CDH13: variants seen among roughly 807,000 people sequenced by gnomAD.
CDH13 encodes the protein cadherin 13.
In CDH13, 24 loss-of-function variants were observed where a neutral mutation model predicts 63.8. The ratio of observed to expected loss-of-function variants is 0.38; its 90% confidence interval spans 0.27 to 0.53. CDH13 has a LOEUF of 0.53. CDH13 is among the 20% of genes least tolerant of loss of function. The probability of loss-of-function intolerance (pLI) is 0.85; values close to 1 mark genes in which losing one functional copy is unlikely to be tolerated. For missense variants in CDH13, 1,049 were observed against 903.1 expected, an observed-to-expected ratio of 1.16 and a Z score of -2.07; for synonymous variants, 503 against 355.3, an observed-to-expected ratio of 1.42 and a Z score of -4.67.
intron 1 of CDH13, among the ~76,000 whole-genome samples, chr16:82,839,144 A>T (rs1214280119): frequency 6.6e-6 from 1 of 152,204 alleles, no homozygotes; most frequent in African/African-American, 2.4e-5. Flanking sequence ...TTGGGACAAG[A>T]ACTCAGAGGG....
intron 2 of CDH13, among the ~76,000 whole-genome samples, chr16:83,009,823 TC>T (rs879898114): frequency 2.0e-5 from 3 of 152,110 alleles, no homozygotes; most frequent in Admixed American, 2.0e-4. Flanking sequence ...CTGGGCTCTA[TC>T]CCCAAAGATT....
At chr16:82,880,562 G>T (rs1381594311) in intron 2 of CDH13, among the ~76,000 whole-genome samples, 1 of 152,186 alleles carries the variant, frequency 6.6e-6, no homozygotes, top group African/African-American at 2.4e-5. Flanking sequence ...GTCCATCCTG[G>T]TTATGGATAA....
chr16:82,706,966 G>T (rs1339922209), intron 1 of CDH13, among the ~76,000 whole-genome samples: 1 of 152,152 alleles, frequency 6.6e-6, no homozygotes, highest in Admixed American at 6.5e-5. Context: ...TCTGCCTTCA[G>T]TTCTACATTT....
At chr16:83,779,839 T>TA in intron 11 of CDH13, 129 bp from the exon 12 acceptor site, 1 of 640,890 alleles carries the variant, frequency 1.6e-6, no homozygotes. Context: ...GTCTGGGCGA[T>TA]AGAGTGAGAC....
At chr16:82,940,862 C>A (rs1904278803) in intron 2 of CDH13, among the ~76,000 whole-genome samples, 1 of 152,082 alleles carries the variant, frequency 6.6e-6, no homozygotes, top group South Asian at 2.1e-4. Flanking sequence ...CAGCTGCAAG[C>A]TTTATTAGGG....
At chr16:82,961,955 G>A in intron 2 of CDH13, among the ~76,000 whole-genome samples, 1 of 152,158 alleles carries the variant, frequency 6.6e-6, no homozygotes, top group Non-Finnish European at 1.5e-5. Context: ...TGCCAAGGTG[G>A]AGAAACCCTA....
intron 3 of CDH13, among the ~76,000 whole-genome samples, chr16:83,083,418 C>T (rs1000791704): frequency 3.3e-5 from 5 of 152,142 alleles, no homozygotes; most frequent in Non-Finnish European, 5.9e-5. Flanking sequence ...AACACAATTC[C>T]AATCTGTGTA....
intron 4 of CDH13, among the ~76,000 whole-genome samples, chr16:83,136,828 G>C (rs916922925): frequency 3.3e-5 from 5 of 152,174 alleles, no homozygotes; most frequent in Non-Finnish European, 7.3e-5. Flanking sequence ...AGATTCCAAA[G>C]TTCAAAGTCA....
At chr16:82,850,478 A>G (rs2039437433) in intron 1 of CDH13, among the ~76,000 whole-genome samples, 1 of 152,234 alleles carries the variant, frequency 6.6e-6, no homozygotes, top group Non-Finnish European at 1.5e-5. Flanking sequence ...TTGAGATGGA[A>G]TCTAATCCTG....
At chr16:82,824,413 C>T (rs772907234) in intron 1 of CDH13, 19 of 151,802 alleles carry the variant, frequency 1.3e-4, no homozygotes, top group African/African-American at 2.7e-4. Flanking sequence ...TAATAAGCAA[C>T]GAAAAAATGG....
At chr16:83,422,019 A>C (rs2071730517) in intron 6 of CDH13, among the ~76,000 whole-genome samples, 2 of 152,184 alleles carry the variant, frequency 1.3e-5, no homozygotes, top group Non-Finnish European at 2.9e-5. Flanking sequence ...TCTTTTTCTC[A>C]TATGAAAGTT....
chr16:83,203,002 G>A (rs2039076013), intron 4 of CDH13, among the ~76,000 whole-genome samples: 1 of 152,118 alleles, frequency 6.6e-6, no homozygotes, highest in Non-Finnish European at 1.5e-5. Context: ...AAGGTGGGAA[G>A]ATCACCTGAG....
At chr16:82,831,929 G>T (rs2038558416) in intron 1 of CDH13, among the ~76,000 whole-genome samples, 1 of 152,142 alleles carries the variant, frequency 6.6e-6, no homozygotes, top group Non-Finnish European at 1.5e-5. Context: ...TTACATCAAG[G>T]ATGACCTTTT....
chr16:83,014,866 ATGTATATATATATG>A (rs1567746143), intron 2 of CDH13, among the ~76,000 whole-genome samples: 14 of 122,476 alleles, frequency 1.1e-4, no homozygotes, highest in South Asian at 2.6e-4. Flanking sequence ...GTATATATAT[ATGTATATATATATG>A]TTTGTGTATA....
chr16:83,000,169 T>C (rs910100327), intron 2 of CDH13, among the ~76,000 whole-genome samples: 6 of 151,270 alleles, frequency 4.0e-5, no homozygotes, highest in African/African-American at 9.7e-5. Context: ...TTACATCTTA[T>C]TGGGCAATTC....
At chr16:83,351,315 T>C (rs1718397513) in intron 6 of CDH13, among the ~76,000 whole-genome samples, 1 of 151,932 alleles carries the variant, frequency 6.6e-6, no homozygotes, top group South Asian at 2.1e-4. Flanking sequence ...AGATATATTT[T>C]TTAAAAAATA....
At position 83,163,780 on chromosome 16, in the gene CDH13, G is replaced by A. The variant is rs1159009019; in HGVS notation, c.483+38279G>A. On this transcript the variant is annotated intron_variant, in intron 4 of 13. Coordinates refer to ENST00000567109, the MANE Select transcript of CDH13 (RefSeq NM_001257.5). ...CGCCACCCACCATTCTGAATTCACAGCATGAGCAAGAGATAAACAAACCTT... is the reference window on the plus strand; with the variant it reads ...CGCCACCCACCATTCTGAATTCACAACATGAGCAAGAGATAAACAAACCTT... Among the ~76,000 whole-genome samples the A allele has an allele frequency of 3.3e-5, 5 of 152,202 alleles. No individual in the cohort carries two copies. The South Asian group carries it at 8.3e-4, about 25-fold the overall frequency.
At chr16:82,724,382 A>G (rs532867795) in intron 1 of CDH13, among the ~76,000 whole-genome samples, 4 of 152,300 alleles carry the variant, frequency 2.6e-5, no homozygotes, top group African/African-American at 9.6e-5. Flanking sequence ...CATGCTATTG[A>G]TATGACTAGT....
At chr16:82,996,818 G>A (rs946960731) in intron 2 of CDH13, among the ~76,000 whole-genome samples, 1 of 150,918 alleles carries the variant, frequency 6.6e-6, no homozygotes, top group Non-Finnish European at 1.5e-5. Context: ...TGGTGGTGAT[G>A]ATGATAGTGA....
Sources: allele counts gnomAD v4.1 joint callset (sites outside exome capture counted in the v4.1 genomes callset), GRCh38; gene constraint gnomAD v4.1.1; transcripts MANE v1.5; gene names NCBI Gene and HGNC (gene_info 2026-07-23, HGNC 2026-07-21).